Variants in ESS2 observed in about 807,000 individuals in gnomAD.
ESS2 encodes splicing factor ESS-2 homolog.
In ESS2, 31 loss-of-function variants were observed where a neutral mutation model predicts 52.0. The observed-to-expected ratio is 0.60, with a 90% CI of 0.45 to 0.81. ESS2 has a LOEUF of 0.81. Ranked by LOEUF, ESS2 falls within the 30% of genes least tolerant of loss-of-function variation. The pLI is 0.00. For missense variants in ESS2, 602 were observed against 637.2 expected (o/e 0.94, Z 0.59); for synonymous variants, 285 against 259.2 (o/e 1.10, Z -0.95).
Position 19,131,139 on chromosome 22 carries a change from G to A in ESS2, c.*3057C>T, listed in dbSNP as rs1010364620. 33 of 444,122 alleles carry A rather than the reference G, an allele frequency of 7.4e-5. 1 individual carries two copies. In the Admixed American group the frequency reaches 1.3e-3, roughly 17 times the overall value. The allele number at this position is 444,122 out of a possible 1,614,324, so 27.5% of individuals were successfully genotyped here. A position where few individuals can be genotyped will look rare whatever the true frequency, so the allele number is the denominator to read the frequency against. The stretch of plus-strand genomic sequence containing the variant: ...CTTCCTTCCAGCGGGCGGGGAGTGG[G>A]TGCTCCTGCCAGACCAGCCTGGCTT... On this transcript the variant is annotated 3_prime_UTR_variant, in exon 10 of 10. Coordinates refer to ENST00000252137, the MANE Select transcript of ESS2 (RefSeq NM_022719.3). The surrounding 1 kb of genome is among the most constrained non-coding windows in gnomAD (Gnocchi z 5.7).
At chr22:19,139,131 A>G (rs376924959) in intron 6 of ESS2, 28 bp downstream of exon 6, 3 of 1,561,900 alleles carry the variant, frequency 1.9e-6, no homozygotes, top group Non-Finnish European at 2.6e-6. Flanking sequence ...AACCTGGCCC[A>G]TGCGGCCCTG....
chr22:19,139,380 C>T, intron 5 of ESS2, 88 bp from the exon 6 acceptor site: 2 of 1,490,676 alleles, frequency 1.3e-6, no homozygotes, highest in Non-Finnish European at 1.8e-6. Context: ...CAAGTCACTC[C>T]CAGATGAACA....
intron 8 of ESS2, among the ~76,000 whole-genome samples, chr22:19,136,114 T>C (rs1340123548): frequency 7.6e-6 from 1 of 131,168 alleles, no homozygotes; most frequent in Non-Finnish European, 1.6e-5. Flanking sequence ...CTGAGGTGGG[T>C]GGATCACGAG....
In ESS2 at chr22:19,134,194, C is replaced by T. The variant is rs754479778; in HGVS notation, c.*2G>A. 4 of 1,509,412 alleles carry T rather than the reference C, an allele frequency of 2.7e-6. No individual in the cohort carries two copies. The highest frequency in any genetic ancestry group is 2.7e-6 in the Non-Finnish European group (3 of 1,127,776). 93.5% of individuals were successfully genotyped at this position (1,509,412 alleles called of 1,614,324 possible). On this transcript the variant is annotated 3_prime_UTR_variant, in exon 10 of 10. Transcript: ENST00000252137. ...GTCTATGAGCCCAGCCCAGGCCTGG[C>T]TCTAAAAGAAGTCCGAAGCTTTGCG...
At chr22:19,144,253 G>GA in intron 1 of ESS2, 5 of 1,274,546 alleles carry the variant, frequency 3.9e-6, no homozygotes, top group Non-Finnish European at 4.0e-6. Flanking sequence ...CACTTTAACA[G>GA]AAAATCTTCT....
chr22:19,136,317 TC>T (rs2083581982), intron 8 of ESS2, among the ~76,000 whole-genome samples: 1 of 103,858 alleles, frequency 9.6e-6, no homozygotes, highest in Non-Finnish European at 1.9e-5. Context: ...GCCACTATTT[TC>T]TAGTCCCAGT....
At chr22:19,135,213 C>T in intron 8 of ESS2, 38 bp from the exon 9 acceptor site, 1 of 1,533,438 alleles carries the variant, frequency 6.5e-7, no homozygotes, top group Admixed American at 1.7e-5. Context: ...TGCGCCAGGC[C>T]TGCCACACGC....
At chr22:19,141,558 G>GT (rs2146105704) in intron 3 of ESS2, among the ~76,000 whole-genome samples, 1 of 152,310 alleles carries the variant, frequency 6.6e-6, no homozygotes, top group Admixed American at 6.5e-5. Context: ...TGTTCCATGT[G>GT]TATCTGTGCA....
Position 19,135,101 on chromosome 22 carries a change from C to T in ESS2, c.1110G>A (p.Lys370=), listed in dbSNP as rs763112583. Residue 370 remains lysine, a synonymous_variant, in exon 9 of 10, where the codon AAG becomes AAA. Coordinates refer to ENST00000252137, the MANE Select transcript of ESS2 (RefSeq NM_022719.3). ...ANEAAAKNRA[K]KQEALRRVTE... The stretch of plus-strand genomic sequence containing the variant: ...TCACTCTCCGCAAGGCTTCCTGCTT[C>T]TTGGCCCGGTTCTTGGCAGCGGCCT... 6.2e-7 allele frequency: 1 copy of T among 1,614,032 alleles called. No homozygotes were observed. Among genetic ancestry groups the T allele is most frequent in the Non-Finnish European group, 8.5e-7 (1 of 1,180,012 alleles).
intron 9 of ESS2, 28 bp from the exon 10 acceptor site, chr22:19,134,503 C>A: frequency 6.6e-7 from 1 of 1,504,038 alleles, no homozygotes; most frequent in Non-Finnish European, 8.9e-7. Context: ...GTGAGAGAGG[C>A]AGGGTTAGGT....
At position 19,138,291 on chromosome 22, in the gene ESS2, A is replaced by T; in HGVS notation, c.849T>A (p.Asp283Glu). Residue 283 changes from aspartate (D) to glutamate (E), a missense_variant, in exon 7 of 10, where the codon GAT becomes GAA. Physicochemically the swap from Asp to Glu is conservative, Grantham distance 45 (BLOSUM62 2). Transcript: ENST00000252137. ...ACTCCTGGGGGATCAGCTCCTTGCC[A>T]TCGGGGCCCACCTTGCCCTGTTTGT... ...AQHKQGKVGP[D>E]GKELIPQESP... The T allele has an allele frequency of 6.2e-7, 1 of 1,613,906 alleles. No homozygotes were observed. Among genetic ancestry groups the T allele is most frequent in the Non-Finnish European group, 8.5e-7 (1 of 1,179,916 alleles).
chr22:19,136,451 A>G (rs115827833), intron 8 of ESS2, among the ~76,000 whole-genome samples: 2,540 of 152,214 alleles, frequency 0.017, 70 homozygotes, highest in African/African-American at 0.058. Context: ...ACCTTTCCAC[A>G]ATGTATGCTG....
At chr22:19,139,513 G>A in intron 5 of ESS2, 99 bp downstream of exon 5, 1 of 1,319,350 alleles carries the variant, frequency 7.6e-7, no homozygotes, top group Non-Finnish European at 1.1e-6. Context: ...ACTGCAAGGG[G>A]GCACGGCCAT....
At position 19,135,110 on chromosome 22, in the gene ESS2, G is replaced by A; in HGVS notation, c.1101C>T (p.Asn367=). The change falls in exon 9 of 10, where the codon AAC becomes AAT. Residue 367 remains asparagine, a synonymous_variant. Transcript: ENST00000252137. ...LKMANEAAAK[N]RAKKQEALRR... ...GCAAGGCTTCCTGCTTCTTGGCCCGGTTCTTGGCAGCGGCCTCGTTGGCCA... is the reference window on the plus strand; with the variant it reads ...GCAAGGCTTCCTGCTTCTTGGCCCGATTCTTGGCAGCGGCCTCGTTGGCCA... 3.1e-6 allele frequency: 5 copies of A among 1,614,074 alleles called. No homozygotes were observed. Among genetic ancestry groups the A allele is most frequent in the Non-Finnish European group, 4.2e-6 (5 of 1,180,004 alleles).
rs1347763873 is a variant in ESS2 at position 19,137,393 on chromosome 22, T to C, written c.965A>G (p.Glu322Gly). Residue 322 changes from glutamate to glycine, a missense_variant, in exon 8 of 10, where the codon GAG becomes GGG. Transcript: ENST00000252137. Reference protein sequence around the residue: ...ESPMMTWGEVENTPLRVEGSE... With the variant: ...ESPMMTWGEVGNTPLRVEGSE... ...CCCTTCAACTCTCAAGGGTGTGTTCTCAACCTCCCCCCAGGTCATCATCGG... is the reference window on the plus strand; with the variant it reads ...CCCTTCAACTCTCAAGGGTGTGTTCCCAACCTCCCCCCAGGTCATCATCGG... 1 of 1,613,596 alleles carries C rather than the reference T, an allele frequency of 6.2e-7. No individual in the cohort carries two copies. The highest frequency in any genetic ancestry group is 8.5e-7 in the Non-Finnish European group (1 of 1,179,824).
chr22:19,138,013 A>C, intron 7 of ESS2: 1 of 985,410 alleles, frequency 1.0e-6, no homozygotes, highest in Non-Finnish European at 1.2e-6. Context: ...GGTCTGCCTG[A>C]GAGTCCAGCC....
rs1417250360 is a variant in ESS2, at chr22:19,132,711, G to A, written c.*1485C>T. On this transcript the variant is annotated 3_prime_UTR_variant, in exon 10 of 10. Coordinates refer to ENST00000252137, the MANE Select transcript of ESS2 (RefSeq NM_022719.3). The surrounding 1 kb of genome is among the most constrained non-coding windows in gnomAD (Gnocchi z 4.2). ...CAGGGTGTGTGCAAGCATCAAGAGT[G>A]CCCAGTGAGGAGTGTTTTTCTCTGG... The A allele has an allele frequency of 5.7e-6, 3 of 527,544 alleles. No homozygotes were observed. Among genetic ancestry groups the A allele is most frequent in the Non-Finnish European group, 1.0e-5 (3 of 297,020 alleles). The allele number at this position is 527,544 out of a possible 1,614,324, so 32.7% of individuals were successfully genotyped here. A position where few individuals can be genotyped will look rare whatever the true frequency, so the allele number is the denominator to read the frequency against.
rs1488368164 is a variant in ESS2, at chr22:19,139,921, C to T, written c.504G>A (p.Glu168=). The stretch of plus-strand genomic sequence containing the variant: ...GTGCCCGGCTTCTCTCCTTGGCCAC[C>T]TCCATGATCTCCTGGAAGGAGGCAT... ...EDNASFQEIM[E]VAKERSRARH... The change falls in exon 4 of 10, where the codon GAG becomes GAA. Residue 168 remains glutamate (E), a synonymous_variant. Coordinates refer to ENST00000252137, the MANE Select transcript of ESS2 (RefSeq NM_022719.3). 6.2e-7 allele frequency: 1 copy of T among 1,614,198 alleles called. No individual in the cohort carries two copies.
intron 8 of ESS2, 136 bp from the exon 9 acceptor site, chr22:19,135,311 C>A: frequency 3.0e-6 from 2 of 670,072 alleles, no homozygotes; most frequent in Admixed American, 2.9e-5. Context: ...TCACCTCCCA[C>A]TAAAAGCCCC....
Sources: gnomAD v4.1 joint callset for allele counts (sites outside exome capture counted in the v4.1 genomes callset) on GRCh38, gnomAD v4.1.1 for gene constraint, Gnocchi (gnomAD v3.1) non-coding constraint, MANE v1.5 for transcripts, NCBI Gene and HGNC (gene_info 2026-07-23, HGNC 2026-07-21) for gene names.